The following CCBE1 variants were observed in gnomAD, a reference collection of about 807,000 sequenced individuals.
CCBE1 encodes the protein collagen and calcium-binding EGF domain-containing protein 1.
A neutral mutation model predicts 50.0 loss-of-function variants in CCBE1; 37 were observed. That is an observed-to-expected ratio of 0.74 (90% CI 0.57 to 0.97). The LOEUF is 0.97. Ranked by LOEUF, CCBE1 falls within the 50% of genes least tolerant of loss-of-function variation. The probability of loss-of-function intolerance (pLI) is 0.00; values close to 1 mark genes in which losing one functional copy is unlikely to be tolerated. For synonymous variants in CCBE1, 234 were observed against 203.7 expected, an observed-to-expected ratio of 1.15 and a Z score of -1.27; for missense variants, 538 against 523.8, an observed-to-expected ratio of 1.03 and a Z score of -0.26.
intron 2 of CCBE1, among the ~76,000 whole-genome samples, chr18:59,512,739 G>A (rs78444173): frequency 0.053 from 8,121 of 152,316 alleles, 745 homozygotes; most frequent in East Asian, 0.34. Flanking sequence ...CTGGCTGGCT[G>A]TTGATGAGGA....
At chr18:59,630,723 G>A (rs184631600) in intron 2 of CCBE1, among the ~76,000 whole-genome samples, 217 of 152,252 alleles carry the variant, frequency 1.4e-3, no homozygotes, top group African/African-American at 5.1e-3. Context: ...AAGATTAAGG[G>A]TCCCAATGAA....
At chr18:59,684,862 G>C (rs939484293) in intron 2 of CCBE1, among the ~76,000 whole-genome samples, 1 of 152,140 alleles carries the variant, frequency 6.6e-6, no homozygotes, top group African/African-American at 2.4e-5. Context: ...ACTCAAGCCC[G>C]TAAGAAGCCT....
chr18:59,662,671 G>C (rs796762955), intron 2 of CCBE1, among the ~76,000 whole-genome samples: 10 of 152,380 alleles, frequency 6.6e-5, no homozygotes, highest in African/African-American at 2.2e-4. Flanking sequence ...GAGACCATGA[G>C]AGCTAAGCCC....
At chr18:59,454,153 T>TA (rs1193637005) in intron 6 of CCBE1, among the ~76,000 whole-genome samples, 62 of 152,354 alleles carry the variant, frequency 4.1e-4, no homozygotes, top group African/African-American at 1.4e-3. Flanking sequence ...ATAAATAATG[T>TA]ACAGATCTTA....
chr18:59,636,364 T>C (rs1457872400), intron 2 of CCBE1, among the ~76,000 whole-genome samples: 2 of 152,218 alleles, frequency 1.3e-5, no homozygotes, highest in African/African-American at 4.8e-5. Flanking sequence ...TTTTTAACCG[T>C]AGACCCTGCC....
intron 2 of CCBE1, among the ~76,000 whole-genome samples, chr18:59,513,522 G>A (rs984272491): frequency 2.0e-5 from 3 of 152,138 alleles, no homozygotes; most frequent in African/African-American, 7.2e-5. Context: ...TGGAACTTCC[G>A]ACACCACAGT....
At chr18:59,612,439 T>A (rs922305963) in intron 2 of CCBE1, among the ~76,000 whole-genome samples, 32 of 152,010 alleles carry the variant, frequency 2.1e-4, no homozygotes, top group Non-Finnish European at 2.1e-4. Context: ...GCAAAAAGGC[T>A]ACAGCAATTC....
chr18:59,497,304 G>C (rs561205307), intron 2 of CCBE1, among the ~76,000 whole-genome samples: 80 of 152,290 alleles, frequency 5.3e-4, no homozygotes, highest in African/African-American at 1.9e-3. Context: ...TGCCGTGGGG[G>C]AAGTACAAAG....
chr18:59,440,735 G>C (rs146325581), intron 7 of CCBE1, among the ~76,000 whole-genome samples: 88 of 152,202 alleles, frequency 5.8e-4, no homozygotes, highest in Non-Finnish European at 6.0e-4. Context: ...GATGAGTTGG[G>C]GGATATGGGG....
At chr18:59,602,567 CAAAAAGG>C (rs1568228913) in intron 2 of CCBE1, among the ~76,000 whole-genome samples, 25 of 151,964 alleles carry the variant, frequency 1.6e-4, no homozygotes, top group African/African-American at 5.1e-4. Context: ...ACATATAATA[CAAAAAGG>C]GTATATATAT....
intron 2 of CCBE1, among the ~76,000 whole-genome samples, chr18:59,529,123 C>T (rs139836286): frequency 2.3e-3 from 351 of 152,348 alleles, no homozygotes; most frequent in Admixed American, 6.6e-3. Flanking sequence ...CCAGGGGCAT[C>T]GTCCCAGGGA....
At chr18:59,520,847 G>GACAGACAC (rs1169486358) in intron 2 of CCBE1, among the ~76,000 whole-genome samples, 3 of 152,234 alleles carry the variant, frequency 2.0e-5, no homozygotes, top group Non-Finnish European at 2.9e-5. Context: ...TGACACTAAA[G>GACAGACAC]ACAGACACAA....
rs572061962 is a variant in CCBE1, at chr18:59,495,608, C to CTT, written c.213-15372_213-15371dup. Among the ~76,000 whole-genome samples the CTT allele has an allele frequency of 1.4e-3, 189 of 138,320 alleles. 1 individual carries two copies. Among genetic ancestry groups the CTT allele is most frequent in the African/African-American group, 3.7e-3 (139 of 37,824 alleles). The allele number at this position is 138,320 out of a possible 152,430, so 90.7% of individuals were successfully genotyped here. A position where few individuals can be genotyped will look rare whatever the true frequency, so the allele number is the denominator to read the frequency against. On this transcript the variant is annotated intron_variant, in intron 2 of 10. Coordinates refer to ENST00000439986, the MANE Select transcript of CCBE1 (RefSeq NM_133459.4). ...GCCCACGCCATCCCTGGGTGCTTGC[C>CTT]TTTTTTTTTTTTTTTTAAGAAACTT...
At chr18:59,468,242 G>T (rs1198808485) in intron 4 of CCBE1, among the ~76,000 whole-genome samples, 3 of 152,156 alleles carry the variant, frequency 2.0e-5, no homozygotes, top group African/African-American at 4.8e-5. Context: ...AAAATTAGCT[G>T]GGTGTAGTGG....
chr18:59,547,053 G>A (rs1391234621), intron 2 of CCBE1, among the ~76,000 whole-genome samples: 1 of 98,078 alleles, frequency 1.0e-5, no homozygotes, highest in East Asian at 2.9e-4. Flanking sequence ...GGGAGAGAGG[G>A]GGAGAGAGGG....
At chr18:59,468,981 C>T (rs554113834) in intron 4 of CCBE1, among the ~76,000 whole-genome samples, 39 of 152,208 alleles carry the variant, frequency 2.6e-4, no homozygotes, top group Admixed American at 2.4e-3. Context: ...CTGGGATAGC[C>T]AGTTCATGAG....
chr18:59,549,709 G>C (rs2144410278), intron 2 of CCBE1, among the ~76,000 whole-genome samples: 1 of 152,314 alleles, frequency 6.6e-6, no homozygotes, highest in African/African-American at 2.4e-5. Flanking sequence ...ATAGTACCCA[G>C]TTGGGCAATT....
chr18:59,463,790 T>A (rs1167332724), intron 5 of CCBE1, among the ~76,000 whole-genome samples: 1 of 152,206 alleles, frequency 6.6e-6, no homozygotes, highest in Non-Finnish European at 1.5e-5. Context: ...CCTTGGTTGC[T>A]GGAGGCTGCC....
At chr18:59,575,592 A>T (rs2052983436) in intron 2 of CCBE1, among the ~76,000 whole-genome samples, 1 of 152,230 alleles carries the variant, frequency 6.6e-6, no homozygotes, top group Non-Finnish European at 1.5e-5. Context: ...TTGAGAGAGG[A>T]GCAAGAGAAT....
Sources: gnomAD v4.1 joint callset for allele counts (sites outside exome capture counted in the v4.1 genomes callset) on GRCh38, gnomAD v4.1.1 for gene constraint, MANE v1.5 for transcripts, NCBI Gene and HGNC (gene_info 2026-07-23, HGNC 2026-07-21) for gene names.